Variants in SCARB1 observed in about 807,000 individuals in gnomAD.
SCARB1 encodes the protein scavenger receptor class B member 1, also known as CD36 and LIMPII analogous 1.
Under a neutral mutation model 57.2 loss-of-function variants are expected in SCARB1, and 30 were observed. The ratio of observed to expected loss-of-function variants is 0.52; its 90% CI spans 0.39 to 0.71. SCARB1 has a LOEUF of 0.71. SCARB1 is among the 30% of genes least tolerant of loss of function. SCARB1 has a pLI of 0.00. For synonymous variants in SCARB1, 249 were observed against 268.3 expected (o/e 0.93, Z 0.70); for missense variants, 543 against 671.2 (o/e 0.81, Z 2.11).
intron 9 of SCARB1, among the ~76,000 whole-genome samples, chr12:124,790,113 G>A (rs1404680738): frequency 3.9e-5 from 6 of 152,036 alleles, no homozygotes; most frequent in African/African-American, 1.2e-4. Flanking sequence ...AGTGGTTCAC[G>A]CCTGTAATCC....
In SCARB1 at chr12:124,807,974, C is replaced by T; in HGVS notation, c.843-47G>A. ...AGAGGGGACACCCAGACCCGGCGGC[C>T]AGAGCCAGGCCCTGCCAAAGGCTGC... On this transcript the variant is annotated intron_variant, in intron 6 of 12. Transcript: ENST00000261693. The surrounding 1 kb of genome is among the most constrained non-coding windows in gnomAD (Gnocchi z 5.3). 6.3e-7 allele frequency: 1 copy of T among 1,594,878 alleles called. No individual in the cohort carries two copies. The highest frequency in any genetic ancestry group is 1.1e-5 in the South Asian group (1 of 90,592).
At chr12:124,798,447 T>C (rs1303705691) in intron 8 of SCARB1, among the ~76,000 whole-genome samples, 1 of 151,840 alleles carries the variant, frequency 6.6e-6, no homozygotes, top group Admixed American at 6.6e-5. Flanking sequence ...AATCCTGTTA[T>C]TTGTGACAAC....
chr12:124,790,835 C>T (rs1007029628), intron 9 of SCARB1, among the ~76,000 whole-genome samples: 6 of 152,214 alleles, frequency 3.9e-5, no homozygotes, highest in African/African-American at 1.4e-4. Flanking sequence ...GTGGCAGGCC[C>T]GAGCCCTTCC....
intron 2 of SCARB1, among the ~76,000 whole-genome samples, chr12:124,816,974 T>C (rs1052439114): frequency 1.3e-5 from 2 of 150,994 alleles, no homozygotes; most frequent in Non-Finnish European, 3.0e-5. Context: ...CCCGGTCCTC[T>C]GGCCCAGATA....
chr12:124,797,670 C>T (rs576529418), intron 8 of SCARB1, among the ~76,000 whole-genome samples: 1 of 152,218 alleles, frequency 6.6e-6, no homozygotes, highest in East Asian at 1.9e-4. Context: ...TGAGAGCGCA[C>T]AGGAGACTGT....
In SCARB1 at chr12:124,822,555, G is replaced by T. The variant is rs558328901; in HGVS notation, c.127-4848C>A. Reference sequence around the variant, plus strand: ...AACTGGCCCAGCTATCTTGATTTTGGTTGCCATATAGGTGAAGTGTATACA... The same window carrying T: ...AACTGGCCCAGCTATCTTGATTTTGTTTGCCATATAGGTGAAGTGTATACA... On this transcript the variant is annotated intron_variant, in intron 1 of 12. Transcript: ENST00000261693. The surrounding 1 kb of genome is among the most constrained non-coding windows in gnomAD (Gnocchi z 5.0). Among the ~76,000 whole-genome samples the T allele has an allele frequency of 6.6e-6, 1 of 152,188 alleles. No homozygotes were observed. The highest frequency in any genetic ancestry group is 1.5e-5 in the Non-Finnish European group (1 of 68,038).
intron 1 of SCARB1, among the ~76,000 whole-genome samples, chr12:124,849,768 G>A (rs572899232): frequency 2.6e-5 from 4 of 152,318 alleles, no homozygotes; most frequent in Admixed American, 6.5e-5. Flanking sequence ...AACTTTCCCC[G>A]TTAGAGCAAT....
intron 1 of SCARB1, among the ~76,000 whole-genome samples, chr12:124,842,033 G>A (rs1262951611): frequency 6.6e-6 from 1 of 152,212 alleles, no homozygotes; most frequent in Non-Finnish European, 1.5e-5. Context: ...TTCAGCCCTG[G>A]GGGTCCCTCC....
intron 1 of SCARB1, 37 bp downstream of exon 1, chr12:124,863,558 G>C: frequency 1.3e-6 from 2 of 1,590,862 alleles, no homozygotes; most frequent in Non-Finnish European, 1.7e-6. Flanking sequence ...AACAGCCCGG[G>C]TCCGTGCGCG....
intron 1 of SCARB1, among the ~76,000 whole-genome samples, chr12:124,857,538 C>T (rs1036447966): frequency 3.5e-4 from 54 of 152,154 alleles, no homozygotes; most frequent in African/African-American, 1.1e-3. Context: ...GGGTCGCGCC[C>T]GCCTCATTCA....
chr12:124,808,168 A>T (rs149191569), intron 6 of SCARB1, among the ~76,000 whole-genome samples: 155 of 152,198 alleles, frequency 1.0e-3, no homozygotes, highest in African/African-American at 3.6e-3. Context: ...TTTACAAAAG[A>T]ACAGAGGCCA....
chr12:124,818,758 C>T (rs991891873), intron 1 of SCARB1, among the ~76,000 whole-genome samples: 5 of 151,646 alleles, frequency 3.3e-5, no homozygotes, highest in Non-Finnish European at 5.9e-5. Context: ...CAGTTCTCCT[C>T]CCTCAGCCTC....
At chr12:124,834,913 C>A (rs557592531) in intron 1 of SCARB1, among the ~76,000 whole-genome samples, 4 of 151,774 alleles carry the variant, frequency 2.6e-5, no homozygotes, top group Admixed American at 2.0e-4. Context: ...GTCCACCCCC[C>A]CAAAAAAAAG....
At chr12:124,794,588 CTTGGA>C (rs1409599851) in intron 9 of SCARB1, among the ~76,000 whole-genome samples, 2 of 151,484 alleles carry the variant, frequency 1.3e-5, no homozygotes, top group East Asian at 3.9e-4. Flanking sequence ...TAGGAAACAG[CTTGGA>C]TTGAAGCTCT....
chr12:124,781,381 C>T (rs551387244), intron 12 of SCARB1, among the ~76,000 whole-genome samples: 1 of 152,332 alleles, frequency 6.6e-6, no homozygotes, highest in African/African-American at 2.4e-5. Context: ...TTGAGGGCAG[C>T]ACATTTTTCA....
chr12:124,801,720 C>T (rs146263226), intron 7 of SCARB1, among the ~76,000 whole-genome samples: 116 of 150,916 alleles, frequency 7.7e-4, no homozygotes, highest in Non-Finnish European at 1.5e-3. Flanking sequence ...GCAGAGGTTG[C>T]GGAGGCTGCA....
At chr12:124,784,462 C>G (rs547642399) in intron 11 of SCARB1, 1 of 152,262 alleles carries the variant, frequency 6.6e-6, no homozygotes, top group African/African-American at 2.4e-5. Context: ...ACCTTTTCCC[C>G]CCGAGGACAG....
intron 1 of SCARB1, among the ~76,000 whole-genome samples, chr12:124,830,741 C>A (rs1162186933): frequency 1.3e-5 from 2 of 152,078 alleles, no homozygotes; most frequent in African/African-American, 4.8e-5. Context: ...CCATCAACCT[C>A]TAACCGAAAT....
chr12:124,856,032 T>C (rs1287516162), intron 1 of SCARB1, among the ~76,000 whole-genome samples: 4 of 152,210 alleles, frequency 2.6e-5, no homozygotes, highest in Admixed American at 2.6e-4. Context: ...ACGTTCTAGT[T>C]AATCAGGGTG....
Sources: allele counts gnomAD v4.1 joint callset (sites outside exome capture counted in the v4.1 genomes callset), GRCh38; gene constraint gnomAD v4.1.1; non-coding constraint Gnocchi (gnomAD v3.1); transcripts MANE v1.5; gene names NCBI Gene and HGNC (gene_info 2026-07-23, HGNC 2026-07-21).